The following TRDN variants were observed in gnomAD, a reference collection of about 807,000 sequenced individuals.
TRDN encodes the protein triadin, also known as triadin in skeletal muscle.
A neutral mutation model predicts 149.7 loss-of-function variants in TRDN; 161 were observed. The observed-to-expected ratio is 1.08, with a 90% CI of 0.95 to 1.23. The LOEUF is 1.23. Ranked by LOEUF, TRDN falls within the 50% of genes most tolerant of loss-of-function variation. The pLI is 0.00. For synonymous variants in TRDN, 294 were observed against 250.5 expected (o/e 1.17, Z -1.64); for missense variants, 896 against 823.5 (o/e 1.09, Z -1.08).
intron 38 of TRDN, among the ~76,000 whole-genome samples, chr6:123,251,771 T>C (rs1776384472): frequency 6.6e-6 from 1 of 152,012 alleles, no homozygotes. Context: ...AGTTATATCC[T>C]ATATACATAG....
At chr6:123,543,943 A>G (rs1057296669) in intron 4 of TRDN, among the ~76,000 whole-genome samples, 34 of 152,074 alleles carry the variant, frequency 2.2e-4, no homozygotes, top group African/African-American at 8.0e-4. Flanking sequence ...AAAAAAGTGT[A>G]CATATTGAAA....
intron 21 of TRDN, among the ~76,000 whole-genome samples, chr6:123,341,812 T>C (rs190231692): frequency 4.7e-4 from 72 of 152,130 alleles, no homozygotes; most frequent in African/African-American, 1.4e-3. Flanking sequence ...ATTACACTTG[T>C]ATATTCTAGA....
At chr6:123,539,699 T>C (rs1395361062) in intron 4 of TRDN, among the ~76,000 whole-genome samples, 1 of 152,218 alleles carries the variant, frequency 6.6e-6, no homozygotes, top group African/African-American at 2.4e-5. Context: ...ATATATATAT[T>C]AACTTAGTTT....
chr6:123,393,191 A>G (rs1772573634), intron 13 of TRDN, among the ~76,000 whole-genome samples: 1 of 152,024 alleles, frequency 6.6e-6, no homozygotes, highest in Admixed American at 6.6e-5. Flanking sequence ...CTGGAACCCC[A>G]TTTTTACAGT....
At chr6:123,259,547 A>G in intron 35 of TRDN, 77 bp downstream of exon 35, 1 of 931,798 alleles carries the variant, frequency 1.1e-6, no homozygotes, top group South Asian at 1.6e-5. Context: ...TAAATCATAT[A>G]ATTTGTATAA....
chr6:123,249,974 C>A (rs1246182134), intron 38 of TRDN, among the ~76,000 whole-genome samples: 1 of 152,014 alleles, frequency 6.6e-6, no homozygotes, highest in African/African-American at 2.4e-5. Context: ...AAAAAAACTT[C>A]TAGATTTGAT....
intron 19 of TRDN, among the ~76,000 whole-genome samples, chr6:123,374,813 A>C (rs963818): frequency 0.35 from 53,116 of 151,726 alleles, 10,170 homozygotes; most frequent in East Asian, 0.74. Context: ...ACAAAAAAAA[A>C]CCTCAGCACT....
chr6:123,221,517 T>C lies in TRDN; in HGVS notation c.2020A>G (p.Thr674Ala), dbSNP rs1775147341. 2 of 1,567,322 alleles carry C rather than the reference T, an allele frequency of 1.3e-6. No homozygotes were observed. The highest frequency in any genetic ancestry group is 1.1e-5 in the South Asian group (1 of 88,326). The change falls in exon 40 of 41, where the codon ACT (threonine) becomes GCT (alanine). Residue 674 changes from threonine to alanine, a missense_variant. Physicochemically the swap from Thr to Ala is moderately conservative, Grantham distance 58. Transcript: ENST00000334268. ...TGCTTTGTGGGAGACACATCTTCAG[T>C]TCCTTCTAGTGGATAAAAAATATAA... The part of the protein sequence containing the change: ...VPASKKAKEG[T>A]EDVSPTKQKS...
chr6:123,356,733 C>T (rs1780699536), intron 20 of TRDN, among the ~76,000 whole-genome samples: 1 of 150,200 alleles, frequency 6.7e-6, no homozygotes, highest in African/African-American at 2.4e-5. Flanking sequence ...AATAGAATTA[C>T]AATTATAAAT....
At chr6:123,379,069 C>A (rs1781618004) in intron 16 of TRDN, among the ~76,000 whole-genome samples, 1 of 152,072 alleles carries the variant, frequency 6.6e-6, no homozygotes, top group Non-Finnish European at 1.5e-5. Flanking sequence ...CTTTAACATA[C>A]CCACATTTTT....
At chr6:123,460,089 TA>T (rs1776363957) in intron 10 of TRDN, among the ~76,000 whole-genome samples, 3 of 152,220 alleles carry the variant, frequency 2.0e-5, no homozygotes, top group Admixed American at 1.3e-4. Flanking sequence ...AGTTGACACA[TA>T]ATCTTGAAAA....
chr6:123,501,565 G>A (rs1234979538), intron 8 of TRDN, among the ~76,000 whole-genome samples: 1 of 151,852 alleles, frequency 6.6e-6, no homozygotes, highest in Non-Finnish European at 1.5e-5. Context: ...TCTTTGCTTA[G>A]TAACAAAAAA....
At chr6:123,357,143 A>G (rs1780712833) in intron 20 of TRDN, among the ~76,000 whole-genome samples, 1 of 151,938 alleles carries the variant, frequency 6.6e-6, no homozygotes, top group Admixed American at 6.6e-5. Context: ...GATCTCCAAA[A>G]TCCCACTTTT....
intron 4 of TRDN, among the ~76,000 whole-genome samples, chr6:123,532,534 G>A (rs536388656): frequency 3.0e-4 from 45 of 152,012 alleles, no homozygotes; most frequent in Non-Finnish European, 5.9e-4. Flanking sequence ...AACTTTGGTT[G>A]ACAGCTTCTA....
intron 1 of TRDN, among the ~76,000 whole-genome samples, chr6:123,583,763 G>A (rs1783261553): frequency 6.6e-6 from 1 of 152,066 alleles, no homozygotes; most frequent in South Asian, 2.1e-4. Context: ...TAGACTAACA[G>A]GTATTTTAGT....
chr6:123,612,797 G>A (rs368010569), intron 1 of TRDN, among the ~76,000 whole-genome samples: 178 of 152,274 alleles, frequency 1.2e-3, no homozygotes, highest in African/African-American at 4.0e-3. Context: ...CTATAGGGTA[G>A]ATATTAATTT....
At chr6:123,510,519 C>T (rs778113156) in intron 7 of TRDN, among the ~76,000 whole-genome samples, 7 of 151,696 alleles carry the variant, frequency 4.6e-5, no homozygotes, top group Admixed American at 4.6e-4. Flanking sequence ...CTTTGTTATT[C>T]AATATGCCAA....
intron 12 of TRDN, among the ~76,000 whole-genome samples, chr6:123,430,386 C>T (rs1018767130): frequency 2.0e-5 from 3 of 150,544 alleles, no homozygotes; most frequent in African/African-American, 4.9e-5. Context: ...ATTGAGACCA[C>T]CCTGGCTAAC....
rs142931355 is a variant in TRDN, at chr6:123,386,003, G to C, written c.1135+2519C>G. Among the ~76,000 whole-genome samples the C allele has an allele frequency of 4.3e-4, 65 of 152,010 alleles. No individual in the cohort carries two copies. In the East Asian group the frequency reaches 0.01, roughly 24 times the overall value. On this transcript the variant is annotated intron_variant, in intron 14 of 40. Coordinates refer to ENST00000334268, the MANE Select transcript of TRDN (RefSeq NM_006073.4). ...CAGGTACCTATTCATATTTCTTCTG[G>C]GTATTATATTTATCTTGAGTCCTGA... is the stretch of plus-strand genomic sequence containing the variant.
Sources: gnomAD v4.1 joint callset for allele counts (sites outside exome capture counted in the v4.1 genomes callset) on GRCh38, gnomAD v4.1.1 for gene constraint, MANE v1.5 for transcripts, NCBI Gene and HGNC (gene_info 2026-07-23, HGNC 2026-07-21) for gene names.